The following CSMD1 variants were observed in gnomAD, a reference collection of about 807,000 sequenced individuals.
The protein encoded by CSMD1 is CUB and sushi domain-containing protein 1.
In CSMD1, 213 loss-of-function variants were observed where a neutral mutation model predicts 417.5. The ratio of observed to expected loss-of-function variants is 0.51; its 90% CI spans 0.46 to 0.57. The LOEUF (loss-of-function observed/expected upper bound fraction) is 0.57. Ranked by LOEUF, CSMD1 falls within the 20% of genes least tolerant of loss-of-function variation. The probability of loss-of-function intolerance (pLI) is 0.00; values close to 1 mark genes in which losing one functional copy is unlikely to be tolerated. For synonymous variants in CSMD1, 2,862 were observed against 1,736.8 expected (o/e 1.65, Z -16.11); for missense variants, 6,923 against 4,529.7 (o/e 1.53, Z -15.17).
At chr8:4,252,155 A>T (rs1043193106) in intron 3 of CSMD1, among the ~76,000 whole-genome samples, 7 of 152,148 alleles carry the variant, frequency 4.6e-5, no homozygotes, top group Non-Finnish European at 1.0e-4. Flanking sequence ...CTGTTCTTTC[A>T]GGATATATAG....
intron 5 of CSMD1, among the ~76,000 whole-genome samples, chr8:3,909,850 C>T (rs985821938): frequency 6.6e-6 from 1 of 152,114 alleles, no homozygotes; most frequent in African/African-American, 2.4e-5. Context: ...GTATGTCCTG[C>T]TGTATACAAG....
intron 5 of CSMD1, among the ~76,000 whole-genome samples, chr8:3,844,054 A>G (rs1803319463): frequency 6.6e-6 from 1 of 152,192 alleles, no homozygotes; most frequent in Admixed American, 6.5e-5. Flanking sequence ...TAATATAATT[A>G]AATTTCCATC....
At chr8:4,482,909 A>G (rs1447254511) in intron 2 of CSMD1, among the ~76,000 whole-genome samples, 2 of 152,196 alleles carry the variant, frequency 1.3e-5, no homozygotes, top group Admixed American at 1.3e-4. Flanking sequence ...AAATTTTCCA[A>G]ATATATTAAT....
intron 1 of CSMD1, among the ~76,000 whole-genome samples, chr8:4,902,411 C>T (rs752986343): frequency 1.5e-4 from 22 of 142,628 alleles, no homozygotes; most frequent in Middle Eastern, 7.1e-3. Context: ...AGCAACAGAA[C>T]AAGAACCCAT....
At chr8:3,041,847 G>C (rs1374270035) in intron 50 of CSMD1, among the ~76,000 whole-genome samples, 1 of 152,352 alleles carries the variant, frequency 6.6e-6, no homozygotes, top group Non-Finnish European at 1.5e-5. Flanking sequence ...CCGACAGTCT[G>C]TGGGTGTAAA....
intron 51 of CSMD1, among the ~76,000 whole-genome samples, chr8:3,021,792 T>C (rs1439040602): frequency 1.4e-3 from 103 of 74,710 alleles, no homozygotes; most frequent in African/African-American, 2.0e-3. Flanking sequence ...CCCACATCCA[T>C]AGCATCTGGA....
intron 12 of CSMD1, among the ~76,000 whole-genome samples, chr8:3,432,966 T>A (rs1329896691): frequency 6.6e-6 from 1 of 152,144 alleles, no homozygotes; most frequent in Non-Finnish European, 1.5e-5. Context: ...GGGGTTACAG[T>A]CAGGTTCTTC....
Position 4,136,163 on chromosome 8 carries a change from G to C in CSMD1, c.416-104064C>G, listed in dbSNP as rs77852367. ...CTGCTATAACTATACTGTTTTCTTA[G>C]AAAAGATACGATATACACAAAAGAA... On this transcript the variant is annotated intron_variant, in intron 3 of 69. Transcript: ENST00000635120. Among the ~76,000 whole-genome samples, 611 of 152,206 alleles carry C rather than the reference G, an allele frequency of 4.0e-3. 3 individuals carry two copies. The highest frequency in any genetic ancestry group is 6.6e-3 in the Non-Finnish European group (449 of 68,006).
chr8:3,084,821 T>C (rs568849069), intron 49 of CSMD1, among the ~76,000 whole-genome samples: 1 of 152,102 alleles, frequency 6.6e-6, no homozygotes, highest in East Asian at 1.9e-4. Context: ...TTTAATTTTG[T>C]CTTTAAAATG....
intron 2 of CSMD1, among the ~76,000 whole-genome samples, chr8:4,442,340 C>T (rs1798534203): frequency 6.6e-6 from 1 of 152,084 alleles, no homozygotes; most frequent in African/African-American, 2.4e-5. Flanking sequence ...GTTCTCCTTC[C>T]AAACTATCCC....
rs527826439 is a variant in CSMD1, at chr8:3,686,368, G to C, written c.1009+22046C>G. Among the ~76,000 whole-genome samples, 61 of 152,232 alleles carry C rather than the reference G, an allele frequency of 4.0e-4. 1 individual carries two copies. The highest frequency in any genetic ancestry group is 3.4e-3 in the Middle Eastern group (1 of 294). On this transcript the variant is annotated intron_variant, in intron 7 of 69. Coordinates refer to ENST00000635120, the MANE Select transcript of CSMD1 (RefSeq NM_033225.6). ...CGCTTGTCTTCACTTTTCTAGGATA[G>C]GGAGGTGCCGCCACACTGACGATGA...
At chr8:4,476,311 C>T (rs1008864419) in intron 2 of CSMD1, among the ~76,000 whole-genome samples, 5 of 152,014 alleles carry the variant, frequency 3.3e-5, no homozygotes, top group South Asian at 2.1e-4. Flanking sequence ...TATTCTAACA[C>T]GAAATTTCAC....
At chr8:3,567,274 G>A (rs1799753574) in intron 10 of CSMD1, among the ~76,000 whole-genome samples, 1 of 152,082 alleles carries the variant, frequency 6.6e-6, no homozygotes. Context: ...ACTGGAGGGT[G>A]CAGGGTGGGA....
chr8:4,723,802 A>AG (rs1420747354), intron 1 of CSMD1, among the ~76,000 whole-genome samples: 1 of 125,394 alleles, frequency 8.0e-6, no homozygotes, highest in African/African-American at 3.4e-5. Flanking sequence ...AAAAAAAAAC[A>AG]AAAAAAAAAC....
chr8:4,730,943 T>C (rs540843638), intron 1 of CSMD1, among the ~76,000 whole-genome samples: 1 of 152,230 alleles, frequency 6.6e-6, no homozygotes, highest in East Asian at 1.9e-4. Context: ...CCAGGGCCAG[T>C]GTTCCTGCCT....
intron 8 of CSMD1, among the ~76,000 whole-genome samples, chr8:3,596,055 G>GATC (rs1563184191): frequency 2.0e-5 from 3 of 151,938 alleles, no homozygotes; most frequent in Admixed American, 1.3e-4. Context: ...TTCCACGTGG[G>GATC]CTTAGGAAGC....
intron 7 of CSMD1, among the ~76,000 whole-genome samples, chr8:3,693,451 A>T (rs1463281735): frequency 6.6e-6 from 1 of 152,100 alleles, no homozygotes; most frequent in Non-Finnish European, 1.5e-5. Flanking sequence ...CTGGGTATTG[A>T]TACGAGGAGT....
intron 1 of CSMD1, among the ~76,000 whole-genome samples, chr8:4,759,209 G>C (rs1216783037): frequency 6.6e-6 from 1 of 152,118 alleles, no homozygotes; most frequent in South Asian, 2.1e-4. Flanking sequence ...TGAGGCCAGA[G>C]GCTCTGGTCT....
intron 59 of CSMD1, among the ~76,000 whole-genome samples, 172 bp from the exon 60 acceptor site, chr8:2,963,567 A>G (rs1293546237): frequency 6.6e-6 from 1 of 152,224 alleles, no homozygotes; most frequent in Non-Finnish European, 1.5e-5. Context: ...ATAACAAAAT[A>G]TTTTTTAGAA....
Sources: gnomAD v4.1 joint callset for allele counts (sites outside exome capture counted in the v4.1 genomes callset) on GRCh38, gnomAD v4.1.1 for gene constraint, MANE v1.5 for transcripts, NCBI Gene and HGNC (gene_info 2026-07-23, HGNC 2026-07-21) for gene names.